Variants in ERBB4 observed in about 807,000 individuals in gnomAD.
ERBB4 encodes receptor tyrosine-protein kinase erbB-4.
In ERBB4, 42 loss-of-function variants were observed where a neutral mutation model predicts 158.0. The ratio of observed to expected loss-of-function variants is 0.27; its 90% CI spans 0.21 to 0.34. The LOEUF (loss-of-function observed/expected upper bound fraction) is 0.34, where lower values mean the gene tolerates loss of function less well. Ranked by LOEUF, ERBB4 falls within the 10% of genes least tolerant of loss-of-function variation. The pLI is 1.00. For missense variants in ERBB4, 1,333 were observed against 1,624.1 expected, an observed-to-expected ratio of 0.82 and a Z score of 3.08; for synonymous variants, 583 against 558.7, an observed-to-expected ratio of 1.04 and a Z score of -0.61.
intron 1 of ERBB4, among the ~76,000 whole-genome samples, chr2:212,191,847 T>TG (rs1330619806): frequency 7.3e-6 from 1 of 136,838 alleles, no homozygotes; most frequent in Non-Finnish European, 1.5e-5. Flanking sequence ...ATAATACATG[T>TG]TATATATGTT....
chr2:211,970,078 T>C (rs1351555992), intron 2 of ERBB4, among the ~76,000 whole-genome samples: 3 of 152,172 alleles, frequency 2.0e-5, no homozygotes, highest in Non-Finnish European at 4.4e-5. Context: ...GTCCCAGACA[T>C]TGTGGGACAT....
chr2:211,770,861 G>A (rs557502728), intron 4 of ERBB4, among the ~76,000 whole-genome samples: 1 of 152,280 alleles, frequency 6.6e-6, no homozygotes, highest in South Asian at 2.1e-4. Flanking sequence ...GGCATTTAAA[G>A]CACTGTGATT....
rs187730848 is a variant in ERBB4 at position 211,994,980 on chromosome 2, G to C, written c.235-47364C>G. On this transcript the variant is annotated intron_variant, in intron 2 of 27. Transcript: ENST00000342788. The stretch of plus-strand genomic sequence containing the variant: ...AGGCCTGACATTCTGGGAATTCTCT[G>C]ATGTGGGTGTTATTAAACTCTCTCA... Among the ~76,000 whole-genome samples, 160 of 152,262 alleles carry C rather than the reference G, an allele frequency of 1.1e-3. 1 individual carries two copies. Among genetic ancestry groups the C allele is most frequent in the Admixed American group, 7.7e-3 (117 of 15,290 alleles).
At chr2:212,003,221 G>A (rs1408629940) in intron 2 of ERBB4, among the ~76,000 whole-genome samples, 6 of 59,364 alleles carry the variant, frequency 1.0e-4, no homozygotes, top group Admixed American at 3.5e-4. Context: ...AAGAAGGAAG[G>A]AAGGAAGGAA....
chr2:211,944,176 A>ATAGT (rs1559154416), intron 3 of ERBB4, among the ~76,000 whole-genome samples: 1 of 16,290 alleles, frequency 6.1e-5, no homozygotes, highest in Non-Finnish European at 1.4e-4. Context: ...ATATATATAT[A>ATAGT]CTATATATAT....
chr2:211,815,129 A>G (rs1466373722), intron 3 of ERBB4, among the ~76,000 whole-genome samples: 1 of 152,220 alleles, frequency 6.6e-6, no homozygotes, highest in Non-Finnish European at 1.5e-5. Context: ...TCACAAAGGA[A>G]AAAATCAAGG....
At chr2:212,250,276 G>GT (rs924529957) in intron 1 of ERBB4, among the ~76,000 whole-genome samples, 35 of 151,890 alleles carry the variant, frequency 2.3e-4, no homozygotes, top group African/African-American at 8.0e-4. Context: ...AGCTGTGAAT[G>GT]TTTTTACCTA....
At chr2:211,678,553 A>G (rs6743138) in intron 13 of ERBB4, among the ~76,000 whole-genome samples, 69,330 of 152,028 alleles carry the variant, frequency 0.46, 16,698 homozygotes, top group African/African-American at 0.56. Flanking sequence ...ATTTGAACTC[A>G]TAATTTCAAA....
At chr2:212,514,048 CAAAA>C (rs963431210) in intron 1 of ERBB4, among the ~76,000 whole-genome samples, 2 of 151,814 alleles carry the variant, frequency 1.3e-5, no homozygotes, top group African/African-American at 4.8e-5. Flanking sequence ...CAAAACAAAA[CAAAA>C]AAACACTTCT....
At chr2:211,847,293 A>G (rs2077613157) in intron 3 of ERBB4, among the ~76,000 whole-genome samples, 2 of 152,176 alleles carry the variant, frequency 1.3e-5, no homozygotes, top group Non-Finnish European at 2.9e-5. Flanking sequence ...GCAGTGAATT[A>G]TCATAGTCCT....
chr2:212,404,897 G>A (rs1382959680), intron 1 of ERBB4, among the ~76,000 whole-genome samples: 1 of 152,002 alleles, frequency 6.6e-6, no homozygotes, highest in African/African-American at 2.4e-5. Flanking sequence ...GTGAAAACAT[G>A]TGGTATTTGG....
chr2:212,238,756 T>G (rs752514293), intron 1 of ERBB4, among the ~76,000 whole-genome samples: 8 of 152,136 alleles, frequency 5.3e-5, no homozygotes, highest in Non-Finnish European at 1.0e-4. Flanking sequence ...AAAATTTTAA[T>G]GGTAAATGAT....
At chr2:212,295,232 T>C (rs60764990) in intron 1 of ERBB4, among the ~76,000 whole-genome samples, 8,758 of 152,120 alleles carry the variant, frequency 0.058, 842 homozygotes, top group African/African-American at 0.2. Flanking sequence ...AGAACTCTTT[T>C]AAATATCAAT....
chr2:211,464,128 T>G (rs1462885545), intron 20 of ERBB4, among the ~76,000 whole-genome samples: 1 of 152,160 alleles, frequency 6.6e-6, no homozygotes, highest in Non-Finnish European at 1.5e-5. Flanking sequence ...TCCCTTTCTT[T>G]GATTTAATTT....
intron 2 of ERBB4, among the ~76,000 whole-genome samples, chr2:211,966,915 AGCTTCAGGT>A (rs1380063612): frequency 6.6e-6 from 1 of 152,106 alleles, no homozygotes; most frequent in Admixed American, 6.5e-5. Context: ...ATAGGTCAGG[AGCTTCAGGT>A]GAGAGAATAT....
chr2:211,623,849 A>G (rs1252575772), intron 18 of ERBB4, 73 bp downstream of exon 18: 2 of 1,455,668 alleles, frequency 1.4e-6, no homozygotes, highest in African/African-American at 1.4e-5. Context: ...CTAAAGTAAT[A>G]ACTCCATTGG....
intron 3 of ERBB4, among the ~76,000 whole-genome samples, chr2:211,896,935 G>A (rs1278066892): frequency 6.6e-6 from 1 of 151,482 alleles, no homozygotes; most frequent in African/African-American, 2.4e-5. Context: ...TTTTTGGCTC[G>A]GTCAAATCTC....
At chr2:212,077,909 G>T (rs903758127) in intron 2 of ERBB4, among the ~76,000 whole-genome samples, 3 of 151,900 alleles carry the variant, frequency 2.0e-5, no homozygotes, top group African/African-American at 4.8e-5. Flanking sequence ...TTAGAACAAA[G>T]CCTATTATTC....
chr2:212,536,209 A>T (rs1329660649), intron 1 of ERBB4, among the ~76,000 whole-genome samples: 1 of 152,134 alleles, frequency 6.6e-6, no homozygotes, highest in Non-Finnish European at 1.5e-5. Flanking sequence ...ATACATAGGC[A>T]CAAACACACA....
Sources: allele counts gnomAD v4.1 joint callset (sites outside exome capture counted in the v4.1 genomes callset), GRCh38; gene constraint gnomAD v4.1.1; transcripts MANE v1.5; gene names NCBI Gene and HGNC (gene_info 2026-07-23, HGNC 2026-07-21).